The following BABAM2 variants were observed in gnomAD, a reference collection of about 807,000 sequenced individuals.
BABAM2 encodes BRISC and BRCA1 A complex member 2.
A neutral mutation model predicts 54.7 loss-of-function variants in BABAM2; 31 were observed. That is an observed-to-expected ratio of 0.57 (90% CI 0.43 to 0.77). BABAM2 has a LOEUF of 0.77. Ranked by LOEUF, BABAM2 falls within the 30% of genes least tolerant of loss-of-function variation. BABAM2 has a pLI of 0.00. For missense variants in BABAM2, 364 were observed against 455.8 expected, an observed-to-expected ratio of 0.80 and a Z score of 1.83; for synonymous variants, 167 against 162.9, an observed-to-expected ratio of 1.03 and a Z score of -0.19.
chr2:28,270,755 A>T (rs1026012154), intron 10 of BABAM2, among the ~76,000 whole-genome samples: 2 of 152,334 alleles, frequency 1.3e-5, no homozygotes, highest in East Asian at 3.9e-4. Context: ...ACTGCAACAT[A>T]AAAGTCATGA....
intron 7 of BABAM2, among the ~76,000 whole-genome samples, chr2:28,224,040 GA>G (rs1680649633): frequency 2.0e-5 from 3 of 152,276 alleles, no homozygotes; most frequent in African/African-American, 7.2e-5. Context: ...AGATGATGTT[GA>G]AGAAGAGGCT....
intron 4 of BABAM2, among the ~76,000 whole-genome samples, chr2:28,003,959 A>G (rs1673760826): frequency 6.6e-6 from 1 of 152,104 alleles, no homozygotes; most frequent in Non-Finnish European, 1.5e-5. Context: ...TGATTTTTGT[A>G]CTTATCTTTC....
chr2:28,326,334 G>C (rs910806446), intron 11 of BABAM2, among the ~76,000 whole-genome samples: 1 of 152,122 alleles, frequency 6.6e-6, no homozygotes, highest in Middle Eastern at 3.2e-3. Context: ...TGTGCTGAGC[G>C]CCTGCTCTTG....
At chr2:28,193,971 G>T (rs1677219778) in intron 7 of BABAM2, among the ~76,000 whole-genome samples, 1 of 152,172 alleles carries the variant, frequency 6.6e-6, no homozygotes. Context: ...GAGAGGAAAA[G>T]CATGAGGGGC....
chr2:28,265,462 T>C (rs1322200867), intron 10 of BABAM2, among the ~76,000 whole-genome samples: 1 of 152,048 alleles, frequency 6.6e-6, no homozygotes, highest in Non-Finnish European at 1.5e-5. Flanking sequence ...ATTAAATCAA[T>C]TGGTGTTCTT....
At chr2:28,089,673 G>A (rs116068949) in intron 6 of BABAM2, among the ~76,000 whole-genome samples, 14 of 152,176 alleles carry the variant, frequency 9.2e-5, no homozygotes, top group African/African-American at 1.2e-4. Flanking sequence ...AGTGTTGTTA[G>A]CTCAGCTACT....
chr2:27,998,743 G>T (rs1673356016), intron 4 of BABAM2, among the ~76,000 whole-genome samples: 1 of 152,058 alleles, frequency 6.6e-6, no homozygotes, highest in Non-Finnish European at 1.5e-5. Context: ...CTAATAGTTG[G>T]TTATGGTTGA....
intron 7 of BABAM2, among the ~76,000 whole-genome samples, chr2:28,196,237 G>A (rs947733424): frequency 3.3e-5 from 5 of 151,564 alleles, no homozygotes; most frequent in Non-Finnish European, 7.4e-5. Flanking sequence ...TGAGGTAGGA[G>A]AATGGTGTGA....
At chr2:27,969,466 T>C (rs1671052615) in intron 3 of BABAM2, among the ~76,000 whole-genome samples, 1 of 152,166 alleles carries the variant, frequency 6.6e-6, no homozygotes, top group Non-Finnish European at 1.5e-5. Flanking sequence ...TGAAAGTCAC[T>C]TCAGTATTGT....
At chr2:27,982,785 T>C (rs1672109421) in intron 3 of BABAM2, among the ~76,000 whole-genome samples, 1 of 151,912 alleles carries the variant, frequency 6.6e-6, no homozygotes, top group African/African-American at 2.4e-5. Flanking sequence ...TATTCATTCA[T>C]GTTGTAGCAT....
At chr2:28,104,539 A>G (rs1667341480) in intron 6 of BABAM2, among the ~76,000 whole-genome samples, 1 of 152,224 alleles carries the variant, frequency 6.6e-6, no homozygotes, top group Non-Finnish European at 1.5e-5. Flanking sequence ...TCAGGAAACA[A>G]CAGGTGCTGG....
chr2:28,245,461 T>C (rs1682834181), intron 10 of BABAM2, among the ~76,000 whole-genome samples: 1 of 152,238 alleles, frequency 6.6e-6, no homozygotes, highest in South Asian at 2.1e-4. Context: ...TTCTTCTGCG[T>C]AGTAGGCATA....
intron 11 of BABAM2, among the ~76,000 whole-genome samples, chr2:28,307,476 A>G (rs1332886479): frequency 2.0e-5 from 3 of 146,610 alleles, no homozygotes; most frequent in Non-Finnish European, 3.0e-5. Flanking sequence ...TTAGTTTACC[A>G]TTTTCTCTTC....
intron 3 of BABAM2, among the ~76,000 whole-genome samples, chr2:27,937,170 A>G (rs1237498068): frequency 6.6e-6 from 1 of 152,206 alleles, no homozygotes; most frequent in Non-Finnish European, 1.5e-5. Flanking sequence ...TGTACTTTAA[A>G]TCATCTTTAG....
At chr2:28,225,922 G>A (rs1025567789) in intron 7 of BABAM2, among the ~76,000 whole-genome samples, 5 of 151,742 alleles carry the variant, frequency 3.3e-5, no homozygotes, top group Non-Finnish European at 5.9e-5. Context: ...GATACTTTTC[G>A]TACTTTCAGC....
intron 7 of BABAM2, among the ~76,000 whole-genome samples, chr2:28,138,964 T>C (rs12464240): frequency 0.25 from 37,411 of 152,018 alleles, 5,471 homozygotes; most frequent in East Asian, 0.55. Context: ...GGACAGACCA[T>C]GCAGGAAAAC....
chr2:28,009,050 A>C (rs1020069780), intron 4 of BABAM2, among the ~76,000 whole-genome samples: 1 of 152,170 alleles, frequency 6.6e-6, no homozygotes, highest in Non-Finnish European at 1.5e-5. Context: ...AATGGATTGT[A>C]TGTGAAGGTC....
At chr2:28,226,891 G>A (rs1235359141) in intron 7 of BABAM2, among the ~76,000 whole-genome samples, 4 of 152,090 alleles carry the variant, frequency 2.6e-5, no homozygotes, top group African/African-American at 7.2e-5. Context: ...TGACTATGGG[G>A]TGTGAGAGAA....
chr2:27,973,341 A>G (rs1305121523), intron 3 of BABAM2, among the ~76,000 whole-genome samples: 1 of 152,008 alleles, frequency 6.6e-6, no homozygotes, highest in Non-Finnish European at 1.5e-5. Flanking sequence ...GGACCCTGGC[A>G]CTATGCACTG....
Sources: gnomAD v4.1 joint callset for allele counts (sites outside exome capture counted in the v4.1 genomes callset) on GRCh38, gnomAD v4.1.1 for gene constraint, MANE v1.5 for transcripts, NCBI Gene and HGNC (gene_info 2026-07-23, HGNC 2026-07-21) for gene names.